ASCC3: variants seen among roughly 807,000 people sequenced by gnomAD.
ASCC3 encodes the protein ASC-1 complex subunit P200.
In ASCC3, 158 loss-of-function variants were observed where a neutral mutation model predicts 256.3. That is an observed-to-expected ratio of 0.62 (90% CI 0.54 to 0.70). The LOEUF (loss-of-function observed/expected upper bound fraction) is 0.70, where lower values mean the gene tolerates loss of function less well. Ranked by LOEUF, ASCC3 falls within the 30% of genes least tolerant of loss-of-function variation. The pLI is 0.00. For synonymous variants in ASCC3, 948 were observed against 883.4 expected (o/e 1.07, Z -1.30); for missense variants, 2,259 against 2,626.0 (o/e 0.86, Z 3.05).
In ASCC3 at chr6:100,625,175, T is replaced by A; in HGVS notation, c.4785+17A>T. The A allele has an allele frequency of 3.7e-6, 6 of 1,611,852 alleles. No homozygotes were observed. Among genetic ancestry groups the A allele is most frequent in the Non-Finnish European group, 5.1e-6 (6 of 1,178,494 alleles). On this transcript the variant is annotated intron_variant, in intron 30 of 41. Coordinates refer to ENST00000369162, the MANE Select transcript of ASCC3 (RefSeq NM_006828.4). ...CCTGAAACGTGTAAGTAGTAGAAGA[T>A]AAAATATGTTGCTTACCTCTCTTTC...
Position 100,675,023 on chromosome 6 carries a change from A to G in ASCC3, c.2286+4595T>C, listed in dbSNP as rs866637627. 6.6e-5 allele frequency among the ~76,000 whole-genome samples: 10 copies of G among 152,122 alleles called. 1 individual carries two copies. The highest frequency in any genetic ancestry group is 6.2e-4 in the South Asian group (3 of 4,832). ...AAAAAGGCAGAGTGTGTGAATCAACATTAAAACACAGGTTTGCTTAGATCC... is the reference window on the plus strand; with the variant it reads ...AAAAAGGCAGAGTGTGTGAATCAACGTTAAAACACAGGTTTGCTTAGATCC... On this transcript the variant is annotated intron_variant, in intron 14 of 41. Transcript: ENST00000369162.
chr6:100,842,305 C>T (rs75795273), intron 4 of ASCC3, among the ~76,000 whole-genome samples: 2,503 of 152,210 alleles, frequency 0.016, 69 homozygotes, highest in African/African-American at 0.057. Flanking sequence ...TTGTAATACA[C>T]ACATTAAATG....
intron 36 of ASCC3, among the ~76,000 whole-genome samples, chr6:100,554,804 T>C (rs1461944603): frequency 3.9e-5 from 6 of 152,126 alleles, no homozygotes; most frequent in Non-Finnish European, 8.8e-5. Flanking sequence ...TAGGTCCAGA[T>C]ATATCAACGG....
chr6:100,752,617 G>T (rs193200802), intron 10 of ASCC3, among the ~76,000 whole-genome samples: 2 of 152,218 alleles, frequency 1.3e-5, no homozygotes, highest in East Asian at 3.9e-4. Context: ...TTTGGTATAT[G>T]ACATCTGTTT....
intron 30 of ASCC3, among the ~76,000 whole-genome samples, chr6:100,615,039 G>T (rs1185560051): frequency 1.3e-5 from 2 of 150,810 alleles, no homozygotes; most frequent in East Asian, 3.9e-4. Context: ...TTTTTGAGAT[G>T]GAGTCTCGCT....
intron 4 of ASCC3, among the ~76,000 whole-genome samples, chr6:100,813,475 A>AC (rs200987963): frequency 5.7e-5 from 8 of 139,762 alleles, no homozygotes; most frequent in Non-Finnish European, 9.5e-5. Context: ...AACAACAACA[A>AC]AAAAAAAACA....
intron 14 of ASCC3, among the ~76,000 whole-genome samples, chr6:100,669,133 T>C (rs1056966615): frequency 1.3e-5 from 2 of 151,012 alleles, no homozygotes; most frequent in Non-Finnish European, 3.0e-5. Flanking sequence ...AAAAATTTAA[T>C]ATTTTTATAA....
At chr6:100,560,264 T>C (rs1435790970) in intron 36 of ASCC3, among the ~76,000 whole-genome samples, 1 of 152,162 alleles carries the variant, frequency 6.6e-6, no homozygotes, top group African/African-American at 2.4e-5. Context: ...CAGGGTAAAC[T>C]TTCGAGAAGT....
Position 100,848,473 on chromosome 6 carries a change from T to C in ASCC3, c.476A>G (p.Asp159Gly). Residue 159 changes from aspartate (D) to glycine (G), a missense_variant, in exon 4 of 42, where the codon GAT becomes GGT. Physicochemically the swap from Asp to Gly is moderately conservative, Grantham distance 94. Coordinates refer to ENST00000369162, the MANE Select transcript of ASCC3 (RefSeq NM_006828.4). ...TAAATTTTTACCAAAAAAAACCCTATCGCCATGTTCTTTTTCTGTCATCTG... is the reference window on the plus strand; with the variant it reads ...TAAATTTTTACCAAAAAAAACCCTACCGCCATGTTCTTTTTCTGTCATCTG... Reference protein sequence around the residue: ...LVQMTEKEHGDRVFFGKNLAF... With the variant: ...LVQMTEKEHGGRVFFGKNLAF... 1 of 1,612,780 alleles carries C rather than the reference T, an allele frequency of 6.2e-7. No individual in the cohort carries two copies. Among genetic ancestry groups the C allele is most frequent in the South Asian group, 1.1e-5 (1 of 90,860 alleles).
chr6:100,668,264 G>A (rs76436098), intron 14 of ASCC3, among the ~76,000 whole-genome samples: 2,227 of 151,900 alleles, frequency 0.015, 41 homozygotes, highest in African/African-American at 0.051. Context: ...CCCAATATCA[G>A]CAAAACGAAA....
At chr6:100,622,534 G>C (rs1026166029) in intron 30 of ASCC3, among the ~76,000 whole-genome samples, 20 of 151,892 alleles carry the variant, frequency 1.3e-4, no homozygotes, top group African/African-American at 4.6e-4. Flanking sequence ...CCAGTCTTGG[G>C]TAGTTCTTTA....
At chr6:100,602,914 T>A (rs1460777686) in intron 33 of ASCC3, among the ~76,000 whole-genome samples, 1 of 152,098 alleles carries the variant, frequency 6.6e-6, no homozygotes, top group South Asian at 2.1e-4. Flanking sequence ...AAAATAGTTA[T>A]AATAAGTTGA....
chr6:100,764,771 G>C (rs368393074), intron 10 of ASCC3, among the ~76,000 whole-genome samples: 186 of 152,132 alleles, frequency 1.2e-3, no homozygotes, highest in South Asian at 0.011. Context: ...TCTCCCAAAG[G>C]CCTCACCTCC....
chr6:100,694,902 A>C (rs1319692687), intron 13 of ASCC3, among the ~76,000 whole-genome samples: 1 of 152,178 alleles, frequency 6.6e-6, no homozygotes, highest in Non-Finnish European at 1.5e-5. Flanking sequence ...GATGAGGGGC[A>C]CTATATATTT....
rs539522800 is a variant in ASCC3, at chr6:100,813,939, T to C, written c.802-8059A>G. 5.3e-5 allele frequency among the ~76,000 whole-genome samples: 8 copies of C among 152,180 alleles called. No individual in the cohort carries two copies. In the East Asian group the frequency reaches 5.8e-4, roughly 11 times the overall value. On this transcript the variant is annotated intron_variant, in intron 4 of 41. Coordinates refer to ENST00000369162, the MANE Select transcript of ASCC3 (RefSeq NM_006828.4). ...TTCCTATTTTGATGCCTGATATTTC[T>C]TTCTCCTGACTGATTGCTCTGGGTA...
At chr6:100,703,668 A>G (rs950939963) in intron 13 of ASCC3, among the ~76,000 whole-genome samples, 5 of 151,944 alleles carry the variant, frequency 3.3e-5, no homozygotes, top group African/African-American at 9.7e-5. Context: ...TATGATGGTG[A>G]TATTTTCTTC....
At chr6:100,876,087 CTG>C in intron 1 of ASCC3, among the ~76,000 whole-genome samples, 1 of 152,022 alleles carries the variant, frequency 6.6e-6, no homozygotes, top group Non-Finnish European at 1.5e-5. Flanking sequence ...AGTAGGGTCT[CTG>C]AGAATGCAGG....
At chr6:100,736,417 C>T (rs778894954) in intron 10 of ASCC3, among the ~76,000 whole-genome samples, 1 of 151,972 alleles carries the variant, frequency 6.6e-6, no homozygotes, top group Non-Finnish European at 1.5e-5. Flanking sequence ...AGGAGAATCG[C>T]TTGAACCAGG....
In ASCC3 at chr6:100,627,571, C is replaced by T; in HGVS notation, c.4642+19G>A. 1 of 1,612,576 alleles carries T rather than the reference C, an allele frequency of 6.2e-7. No individual in the cohort carries two copies. Reference sequence around the variant, plus strand: ...CATAAACAATGGTTACTATTTTATTCCAAGAATCTGAAGCTTACCCTGAAA... The same window carrying T: ...CATAAACAATGGTTACTATTTTATTTCAAGAATCTGAAGCTTACCCTGAAA... On this transcript the variant is annotated intron_variant, in intron 29 of 41. Coordinates refer to ENST00000369162, the MANE Select transcript of ASCC3 (RefSeq NM_006828.4).
Sources: allele counts gnomAD v4.1 joint callset (sites outside exome capture counted in the v4.1 genomes callset), GRCh38; gene constraint gnomAD v4.1.1; transcripts MANE v1.5; gene names NCBI Gene and HGNC (gene_info 2026-07-23, HGNC 2026-07-21).